The following PCDHGB4 variants were observed in gnomAD, a reference collection of about 807,000 sequenced individuals.
PCDHGB4 encodes protocadherin gamma-B4.
PCDHGB4 carries 38 observed loss-of-function variants against 60.5 expected under a neutral mutation model. The observed-to-expected ratio is 0.63, with a 90% CI of 0.48 to 0.82. The LOEUF is 0.82. PCDHGB4 is among the 40% of genes least tolerant of loss of function. The pLI, the probability that PCDHGB4 is intolerant of heterozygous loss-of-function variation, is 0.00. For synonymous variants in PCDHGB4, 456 were observed against 509.7 expected, an observed-to-expected ratio of 0.89 and a Z score of 1.42; for missense variants, 1,109 against 1,209.6, an observed-to-expected ratio of 0.92 and a Z score of 1.23.
intron 2 of PCDHGB4, among the ~76,000 whole-genome samples, chr5:141,504,268 T>A (rs539485141): frequency 2.2e-4 from 34 of 152,348 alleles, no homozygotes; most frequent in Admixed American, 1.3e-3. Context: ...AGTATTTTTT[T>A]AAATTATGAA....
Position 141,487,278 on chromosome 5 carries a change from T to G in PCDHGB4, c.2398-7529T>G. 6 of 1,614,180 alleles carry G rather than the reference T, an allele frequency of 3.7e-6. No individual in the cohort carries two copies. Among genetic ancestry groups the G allele is most frequent in the Non-Finnish European group, 5.1e-6 (6 of 1,180,040 alleles). On this transcript the variant is annotated intron_variant, in intron 1 of 3. Coordinates refer to ENST00000519479, the MANE Select transcript of PCDHGB4 (RefSeq NM_003736.4). The surrounding 1 kb of genome is among the most constrained non-coding windows in gnomAD (Gnocchi z 5.0). Reference sequence around the variant, plus strand: ...GCTGTGTCCCTAGTGGCAATTTGCTTTGTCTCCTTTGGCTCATTCGTGGCA... The same window carrying G: ...GCTGTGTCCCTAGTGGCAATTTGCTGTGTCTCCTTTGGCTCATTCGTGGCA...
At chr5:141,483,122 A>G (rs1159736878) in intron 1 of PCDHGB4, among the ~76,000 whole-genome samples, 1 of 152,166 alleles carries the variant, frequency 6.6e-6, no homozygotes, top group Non-Finnish European at 1.5e-5. Context: ...CAGTCTTTGT[A>G]GGAGATGAGG....
chr5:141,407,958 A>G lies in PCDHGB4; in HGVS notation c.2397+17677A>G, dbSNP rs1018466165. On this transcript the variant is annotated intron_variant, in intron 1 of 3. Transcript: ENST00000519479. ...TGGGCGCCGCTGTCGGCCAGTGCAG[A>G]GCAAGCGCTGACGCCGGGGATCCGT... 5 of 660,632 alleles carry G rather than the reference A, an allele frequency of 7.6e-6. No homozygotes were observed. In the South Asian group the frequency reaches 1.2e-4, roughly 15 times the overall value. 40.9% of individuals were successfully genotyped at this position (660,632 alleles called of 1,614,324 possible).
At chr5:141,416,832 A>T (rs2154546669) in intron 1 of PCDHGB4, 1 of 152,168 alleles carries the variant, frequency 6.6e-6, no homozygotes, top group East Asian at 1.9e-4. Context: ...GTTTCTCAAG[A>T]CCCTTATAAT....
intron 1 of PCDHGB4, chr5:141,398,594 T>C: frequency 6.2e-7 from 1 of 1,614,028 alleles, no homozygotes; most frequent in African/African-American, 1.3e-5. Flanking sequence ...ATACTAGAAG[T>C]AGCAGAAGAT....
intron 1 of PCDHGB4, chr5:141,415,868 G>A: frequency 9.2e-7 from 1 of 1,090,360 alleles, no homozygotes; most frequent in Non-Finnish European, 1.2e-6. Flanking sequence ...TTATAGTGTT[G>A]TTGAGTACAA....
chr5:141,413,024 C>A, intron 1 of PCDHGB4: 2 of 736,250 alleles, frequency 2.7e-6, no homozygotes, highest in Non-Finnish European at 4.2e-6. Flanking sequence ...ACAAGCCCCA[C>A]AAACCGGCTG....
Position 141,389,171 on chromosome 5 carries a change from C to G in PCDHGB4, c.1287C>G (p.Pro429=), listed in dbSNP as rs772221999. 11 of 1,613,892 alleles carry G rather than the reference C, an allele frequency of 6.8e-6. No individual in the cohort carries two copies. The highest frequency in any genetic ancestry group is 3.3e-5 in the Admixed American group (2 of 60,008). ...CGGCAACAGATCGGGGCAAGCCTCC[C>G]CTCTCCTCCAGTTCCAGCATCACCC... is the stretch of plus-strand genomic sequence containing the variant. ...TVTATDRGKP[P]LSSSSSITLH... The change falls in exon 1 of 4, where the codon CCC becomes CCG. Residue 429 remains proline, a synonymous_variant. Coordinates refer to ENST00000519479, the MANE Select transcript of PCDHGB4 (RefSeq NM_003736.4).
rs2091950057 is a variant in PCDHGB4, at chr5:141,389,860, ACC to A, written c.1977_1978del (p.Leu660GlyfsTer15). On this transcript the variant is annotated frameshift_variant, in exon 1 of 4. Coordinates refer to ENST00000519479, the MANE Select transcript of PCDHGB4 (RefSeq NM_003736.4). LOFTEE classifies it high-confidence loss of function. Reference sequence around the variant, plus strand: ...CCACTCTCGGCCACTGCCACGTTGCACCTGGTCTTCGCCGACAGCTTGCAGGA... The same window carrying A: ...CCACTCTCGGCCACTGCCACGTTGCATGGTCTTCGCCGACAGCTTGCAGGA... 6.2e-7 allele frequency: 1 copy of A among 1,613,934 alleles called. No individual in the cohort carries two copies. Among genetic ancestry groups the A allele is most frequent in the Non-Finnish European group, 8.5e-7 (1 of 1,179,904 alleles).
At chr5:141,496,268 G>T (rs1237681971) in intron 2 of PCDHGB4, among the ~76,000 whole-genome samples, 1 of 152,208 alleles carries the variant, frequency 6.6e-6, no homozygotes, top group Non-Finnish European at 1.5e-5. Flanking sequence ...TCAGCAGAAA[G>T]ACCTTCAGTT....
At chr5:141,408,885 T>C (rs1263835706) in intron 1 of PCDHGB4, 3 of 1,612,902 alleles carry the variant, frequency 1.9e-6, no homozygotes, top group East Asian at 2.2e-5. Flanking sequence ...ACCGCTCACA[T>C]AGAAATTTCT....
chr5:141,474,516 T>G (rs999585038), intron 1 of PCDHGB4, among the ~76,000 whole-genome samples: 1 of 152,240 alleles, frequency 6.6e-6, no homozygotes, highest in Non-Finnish European at 1.5e-5. Context: ...GCCCTCTTGC[T>G]GGTCTGGCTA....
chr5:141,428,426 C>T (rs1040765233), intron 1 of PCDHGB4: 1 of 435,172 alleles, frequency 2.3e-6, no homozygotes, highest in African/African-American at 2.0e-5. Context: ...GGTCTCTGTT[C>T]TAAGACTAGA....
chr5:141,407,047 T>C (rs75652968), intron 1 of PCDHGB4, among the ~76,000 whole-genome samples: 6,428 of 152,316 alleles, frequency 0.042, 220 homozygotes, highest in African/African-American at 0.092. Flanking sequence ...GATCCATAGA[T>C]ACACTGATGA....
intron 3 of PCDHGB4, among the ~76,000 whole-genome samples, chr5:141,507,805 G>C (rs2099863746): frequency 6.6e-6 from 1 of 152,204 alleles, no homozygotes; most frequent in Non-Finnish European, 1.5e-5. Flanking sequence ...TGCGCCCTGG[G>C]GAACGGACCC....
intron 1 of PCDHGB4, chr5:141,413,929 C>T (rs2095693828): frequency 6.2e-7 from 1 of 1,613,342 alleles, no homozygotes; most frequent in South Asian, 1.1e-5. Context: ...GCCAGAATAC[C>T]GAGTGAGTGT....
intron 1 of PCDHGB4, chr5:141,419,440 C>T (rs368129873): frequency 1.9e-6 from 3 of 1,613,034 alleles, no homozygotes; most frequent in African/African-American, 2.7e-5. Context: ...AGCTGCGCAC[C>T]TTCGAGCTCA....
intron 1 of PCDHGB4, chr5:141,399,667 C>T (rs752195462): frequency 1.2e-6 from 2 of 1,613,634 alleles, no homozygotes; most frequent in Non-Finnish European, 8.5e-7. Context: ...GTTCGCGCAG[C>T]GCGCCTTTGA....
chr5:141,477,571 C>T lies in PCDHGB4; in HGVS notation c.2398-17236C>T, dbSNP rs1470454976. The T allele has an allele frequency of 8.1e-6, 13 of 1,614,160 alleles. No individual in the cohort carries two copies. Among genetic ancestry groups the T allele is most frequent in the Middle Eastern group, 1.7e-4 (1 of 6,060 alleles). ...TAAACCTAAGTGTCTGGGACCCCGACGCCCCGCAGAATGCTCGGCTTTCTT... is the reference window on the plus strand; with the variant it reads ...TAAACCTAAGTGTCTGGGACCCCGATGCCCCGCAGAATGCTCGGCTTTCTT... On this transcript the variant is annotated intron_variant, in intron 1 of 3. Transcript: ENST00000519479. This position sits in a 1 kb window ranked among gnomAD's most constrained non-coding sequence, Gnocchi z 4.9.
Sources: allele counts gnomAD v4.1 joint callset (sites outside exome capture counted in the v4.1 genomes callset), GRCh38; gene constraint gnomAD v4.1.1; non-coding constraint Gnocchi (gnomAD v3.1); transcripts MANE v1.5; gene names NCBI Gene and HGNC (gene_info 2026-07-23, HGNC 2026-07-21).